The following GOLGB1 variants were observed in gnomAD, a reference collection of about 807,000 sequenced individuals.
GOLGB1 encodes the protein golgin subfamily B member 1.
Under a neutral mutation model 336.9 loss-of-function variants are expected in GOLGB1, and 174 were observed. The observed-to-expected ratio is 0.52, with a 90% confidence interval of 0.46 to 0.59. The LOEUF (loss-of-function observed/expected upper bound fraction) is 0.59, where lower values mean the gene tolerates loss of function less well. GOLGB1 is among the 20% of genes least tolerant of loss of function. GOLGB1 has a pLI of 0.00. For missense variants in GOLGB1, 3,331 were observed against 3,645.3 expected (o/e 0.91, Z 2.22); for synonymous variants, 1,208 against 1,289.2 (o/e 0.94, Z 1.35).
chr3:121,727,728 T>C (rs1945784625), intron 4 of GOLGB1, among the ~76,000 whole-genome samples: 1 of 152,136 alleles, frequency 6.6e-6, no homozygotes, highest in Non-Finnish European at 1.5e-5. Flanking sequence ...TTTGTAAATT[T>C]AGTCCCTCCC....
At chr3:121,741,401 G>A (rs1946847632) in intron 1 of GOLGB1, among the ~76,000 whole-genome samples, 1 of 152,140 alleles carries the variant, frequency 6.6e-6, no homozygotes, top group African/African-American at 2.4e-5. Context: ...CGGGAAGAAT[G>A]TGAATAGCAT....
chr3:121,688,996 C>T (rs536799163), intron 14 of GOLGB1, among the ~76,000 whole-genome samples: 1 of 151,824 alleles, frequency 6.6e-6, no homozygotes, highest in Non-Finnish European at 1.5e-5. Context: ...CCGGCAGCCA[C>T]CCCCTCCGGG....
intron 14 of GOLGB1, 47 bp from the exon 15 acceptor site, chr3:121,681,912 A>G (rs1300216097): frequency 4.5e-6 from 6 of 1,320,676 alleles, no homozygotes; most frequent in Non-Finnish European, 6.5e-6. Context: ...CATCTCATTC[A>G]TCTAACTGTA....
In GOLGB1 at chr3:121,730,663, T is replaced by A. The variant is rs35597094; in HGVS notation, c.96+213A>T. 0.012 allele frequency among the ~76,000 whole-genome samples: 1,790 copies of A among 152,322 alleles called. 23 individuals carry two copies. Among genetic ancestry groups the A allele is most frequent in the African/African-American group, 0.04 (1,677 of 41,568 alleles). On this transcript the variant is annotated intron_variant, in intron 2 of 21. Transcript: ENST00000614479. ...CAGGGAGACAAATGAGAAAGCCCTT[T>A]CAAATTGTATCCAGGACTTGTTTCC...
intron 10 of GOLGB1, among the ~76,000 whole-genome samples, chr3:121,707,088 G>A (rs1346788615): frequency 6.6e-6 from 1 of 151,644 alleles, no homozygotes; most frequent in Non-Finnish European, 1.5e-5. Flanking sequence ...ATAGCCAGGT[G>A]TGGTGGTGGG....
chr3:121,720,478 G>C (rs1228941879), intron 6 of GOLGB1, among the ~76,000 whole-genome samples: 1 of 152,200 alleles, frequency 6.6e-6, no homozygotes, highest in Non-Finnish European at 1.5e-5. Flanking sequence ...GTGTGCATCT[G>C]CTTATTCATC....
chr3:121,729,317 GTTA>G lies in GOLGB1; in HGVS notation c.270_272del (p.Asn91del), dbSNP rs1945905272. The stretch of plus-strand genomic sequence containing the variant: ...CATGAAGTTTTAGTTTTTTAATTTT[GTTA>G]TCAGCAGCTTTTCTCTCTTCCTGCC... On this transcript the variant is annotated inframe_deletion, in exon 4 of 22. Transcript: ENST00000614479. 6.2e-7 allele frequency: 1 copy of G among 1,612,102 alleles called. No individual in the cohort carries two copies. The highest frequency in any genetic ancestry group is 1.7e-5 in the Admixed American group (1 of 59,800).
chr3:121,729,150 T>TC, intron 4 of GOLGB1, 38 bp downstream of exon 4: 1 of 1,500,028 alleles, frequency 6.7e-7, no homozygotes, highest in Middle Eastern at 1.8e-4. Context: ...GTAGGTTTTT[T>TC]CAACTTAGGA....
rs561876816 is a variant in GOLGB1 at position 121,720,082 on chromosome 3, G to C, written c.649-314C>G. On this transcript the variant is annotated intron_variant, in intron 6 of 21. Transcript: ENST00000614479. ...TTTTTTAAAGTTCTAAAAAGATTAA[G>C]ATATTAAACACATAAGGTGAAGTTA... 8.5e-5 allele frequency among the ~76,000 whole-genome samples: 13 copies of C among 152,260 alleles called. No individual in the cohort carries two copies. In the South Asian group the frequency reaches 2.7e-3, roughly 32 times the overall value.
rs1576231650 is a variant in GOLGB1, at chr3:121,664,331, C to T, written c.*149G>A. 3.7e-6 allele frequency: 2 copies of T among 537,616 alleles called. No homozygotes were observed. Among genetic ancestry groups the T allele is most frequent in the East Asian group, 5.1e-5 (1 of 19,524 alleles). 33.3% of individuals were successfully genotyped at this position (537,616 alleles called of 1,614,324 possible). On this transcript the variant is annotated 3_prime_UTR_variant, in exon 22 of 22. Transcript: ENST00000614479. ...CTGCAGCTCCAACCTGTCCTCGTAT[C>T]CACCTCTGTTTTTGCAGGCACTTTC...
chr3:121,730,877 G>T lies in GOLGB1; in HGVS notation c.95C>A (p.Pro32His). The change falls in exon 2 of 22, where the codon CCT becomes CAT. Residue 32 changes from proline (P) to histidine (H), a missense_variant and splice_region_variant. By Grantham distance (77) the Pro-to-His change is moderately conservative. Transcript: ENST00000614479. ...TTAAATCAGAACAGAACTACTCACA[G>T]GGTCTAGGGGAGCCCTCATATTCTG... ...TDQNMRAPLD[P>H]ELHQESDMEF... The T allele has an allele frequency of 6.2e-7, 1 of 1,608,710 alleles. No individual in the cohort carries two copies.
chr3:121,725,414 T>G (rs560943926), intron 5 of GOLGB1, among the ~76,000 whole-genome samples: 1 of 152,310 alleles, frequency 6.6e-6, no homozygotes, highest in African/African-American at 2.4e-5. Context: ...TTTTCAAACT[T>G]GCTTGGGGTC....
chr3:121,711,271 G>A (rs1330516618), intron 10 of GOLGB1, among the ~76,000 whole-genome samples: 2 of 151,456 alleles, frequency 1.3e-5, no homozygotes, highest in African/African-American at 4.9e-5. Context: ...GAATCACATA[G>A]CCTAGAAATA....
intron 1 of GOLGB1, among the ~76,000 whole-genome samples, chr3:121,745,222 A>G (rs1330396462): frequency 6.6e-6 from 1 of 152,092 alleles, no homozygotes; most frequent in East Asian, 1.9e-4. Flanking sequence ...ATAGATAAAA[A>G]TTAATAAAGG....
At chr3:121,721,217 G>A (rs948069023) in intron 6 of GOLGB1, among the ~76,000 whole-genome samples, 1 of 151,912 alleles carries the variant, frequency 6.6e-6, no homozygotes, top group Non-Finnish European at 1.5e-5. Context: ...ACCACAGAGA[G>A]AAGGCACTAC....
At chr3:121,678,264 A>T (rs1940656588) in intron 15 of GOLGB1, among the ~76,000 whole-genome samples, 1 of 152,268 alleles carries the variant, frequency 6.6e-6, no homozygotes, top group African/African-American at 2.4e-5. Context: ...ATTTTACTCC[A>T]TAAAGTTTAA....
rs751769620 is a variant in GOLGB1 at position 121,691,715 on chromosome 3, G to A, written c.7649C>T (p.Thr2550Ile). Residue 2550 changes from threonine to isoleucine, a missense_variant, in exon 14 of 22, where the codon ACA (threonine) becomes ATA (isoleucine). Physicochemically the swap from Thr to Ile is moderately conservative, Grantham distance 89. Transcript: ENST00000614479. ...CTGCTTTTGTTGGCTGTCCTTTATT[G>A]TTATCACTTGGTTCAGGTCTTCTCT... ...QYREDLNQVITIKDSQQKQLL... is the reference protein window; with the variant it reads ...QYREDLNQVIIIKDSQQKQLL... The A allele has an allele frequency of 2.9e-5, 46 of 1,612,678 alleles. No individual in the cohort carries two copies. Among genetic ancestry groups the A allele is most frequent in the Non-Finnish European group, 3.4e-5 (40 of 1,179,736 alleles).
intron 14 of GOLGB1, among the ~76,000 whole-genome samples, chr3:121,688,109 G>C (rs1329889508): frequency 6.6e-6 from 1 of 152,142 alleles, no homozygotes; most frequent in Admixed American, 6.5e-5. Flanking sequence ...TCTACAGTTA[G>C]GGGTAATAAT....
chr3:121,708,142 T>C (rs1339293353), intron 10 of GOLGB1, among the ~76,000 whole-genome samples: 1 of 152,122 alleles, frequency 6.6e-6, no homozygotes, highest in Non-Finnish European at 1.5e-5. Flanking sequence ...CTCAAATAAG[T>C]ATGCTGAGTA....
Sources: gnomAD v4.1 joint callset for allele counts (sites outside exome capture counted in the v4.1 genomes callset) on GRCh38, gnomAD v4.1.1 for gene constraint, MANE v1.5 for transcripts, NCBI Gene and HGNC (gene_info 2026-07-23, HGNC 2026-07-21) for gene names.